Variants in CTNNA2 observed in about 807,000 individuals in gnomAD.
The protein encoded by CTNNA2 is catenin alpha-2.
In CTNNA2, 42 loss-of-function variants were observed where a neutral mutation model predicts 101.0. The ratio of observed to expected loss-of-function variants is 0.42; its 90% CI spans 0.32 to 0.54. CTNNA2 has a LOEUF of 0.54. Among genes scored for constraint, CTNNA2 ranks in the 20% least tolerant of loss-of-function variants. The pLI, the probability that CTNNA2 is intolerant of heterozygous loss-of-function variation, is 0.14. For synonymous variants in CTNNA2, 450 were observed against 456.4 expected (o/e 0.99, Z 0.18); for missense variants, 871 against 1,223.1 (o/e 0.71, Z 4.29).
chr2:80,285,569 C>T (rs1674693956), intron 7 of CTNNA2, among the ~76,000 whole-genome samples: 1 of 152,096 alleles, frequency 6.6e-6, no homozygotes, highest in African/African-American at 2.4e-5. Flanking sequence ...GTACAAGGGT[C>T]ATAGTCTGGG....
intron 4 of CTNNA2, among the ~76,000 whole-genome samples, chr2:79,414,070 C>A (rs1456298815): frequency 1.3e-5 from 2 of 150,922 alleles, no homozygotes; most frequent in African/African-American, 4.9e-5. Context: ...CATTGACAAC[C>A]AGCATAACTA....
intron 2 of CTNNA2, among the ~76,000 whole-genome samples, chr2:79,202,992 CCTTTCTTCCATGTA>C (rs974060418): frequency 6.6e-6 from 1 of 152,180 alleles, no homozygotes; most frequent in Non-Finnish European, 1.5e-5. Context: ...TTCTTTAACT[CCTTTCTTCCATGTA>C]GAATTTCTCA....
At chr2:80,337,232 G>T (rs1362355490) in intron 7 of CTNNA2, among the ~76,000 whole-genome samples, 1 of 152,090 alleles carries the variant, frequency 6.6e-6, no homozygotes, top group Non-Finnish European at 1.5e-5. Context: ...GCACACACCT[G>T]TAGTCCCGGC....
chr2:79,773,064 G>A (rs1255324441), intron 3 of CTNNA2, among the ~76,000 whole-genome samples: 1 of 152,052 alleles, frequency 6.6e-6, no homozygotes, highest in African/African-American at 2.4e-5. Context: ...TTCCAGAATT[G>A]GAAGAATATT....
chr2:80,238,124 C>T (rs1205393282), intron 7 of CTNNA2, among the ~76,000 whole-genome samples: 1 of 152,268 alleles, frequency 6.6e-6, no homozygotes, highest in South Asian at 2.1e-4. Flanking sequence ...CAGCACTGTT[C>T]TGGACTGTAA....
upstream of CTNNA2, among the ~76,000 whole-genome samples, chr2:79,512,561 CT>C (rs1198996097): frequency 6.6e-6 from 1 of 151,646 alleles, no homozygotes; most frequent in African/African-American, 2.4e-5. Context: ...TGCGACACCC[CT>C]ATCCCCCCCG....
chr2:79,625,325 T>C (rs527968219), intron 1 of CTNNA2, among the ~76,000 whole-genome samples: 61 of 152,274 alleles, frequency 4.0e-4, no homozygotes, highest in African/African-American at 1.3e-3. Flanking sequence ...TGGAAGATTA[T>C]GGCTCTTAAT....
chr2:80,508,563 C>T (rs1354189441), intron 9 of CTNNA2, among the ~76,000 whole-genome samples: 2 of 151,812 alleles, frequency 1.3e-5, no homozygotes, highest in African/African-American at 4.8e-5. Context: ...TACCCTACAA[C>T]ATATGGACTC....
chr2:79,624,763 G>T (rs139783238), intron 1 of CTNNA2, among the ~76,000 whole-genome samples: 6 of 152,282 alleles, frequency 3.9e-5, no homozygotes, highest in African/African-American at 1.4e-4. Flanking sequence ...CCTAGAAAGG[G>T]AGATAGAAAT....
chr2:80,099,606 G>T (rs1700409916), intron 7 of CTNNA2, among the ~76,000 whole-genome samples: 1 of 152,152 alleles, frequency 6.6e-6, no homozygotes, highest in South Asian at 2.1e-4. Flanking sequence ...TCAGAAGGCT[G>T]AAGAAGTTCC....
intron 4 of CTNNA2, among the ~76,000 whole-genome samples, chr2:79,466,638 G>C (rs1257777924): frequency 6.6e-6 from 1 of 152,194 alleles, no homozygotes; most frequent in Non-Finnish European, 1.5e-5. Flanking sequence ...AGTAGGGGCA[G>C]ACTGACACCC....
chr2:79,743,159 A>G (rs1003119276), intron 2 of CTNNA2, among the ~76,000 whole-genome samples: 1 of 149,092 alleles, frequency 6.7e-6, no homozygotes, highest in African/African-American at 2.5e-5. Flanking sequence ...CAGAACCTAC[A>G]TTCTTGTGAA....
intron 8 of CTNNA2, among the ~76,000 whole-genome samples, chr2:80,418,072 G>T (rs1680192091): frequency 6.6e-6 from 1 of 151,998 alleles, no homozygotes; most frequent in Non-Finnish European, 1.5e-5. Context: ...GTTCAATTTT[G>T]ATTCCACTCT....
chr2:79,997,358 AAAGAAAAAAGAAAAG>A (rs1692627361), intron 7 of CTNNA2, among the ~76,000 whole-genome samples: 1 of 151,468 alleles, frequency 6.6e-6, no homozygotes, highest in South Asian at 2.1e-4. Context: ...AAAGGAAGGA[AAAGAAAAAAGAAAAG>A]AAGAAAAAGA....
intron 7 of CTNNA2, among the ~76,000 whole-genome samples, chr2:80,366,389 T>C (rs1159620800): frequency 6.6e-6 from 1 of 152,184 alleles, no homozygotes; most frequent in Non-Finnish European, 1.5e-5. Context: ...TTTCTTTTCT[T>C]AAAGGTGCAC....
chr2:79,879,037 A>G (rs952623880), intron 6 of CTNNA2, among the ~76,000 whole-genome samples: 2 of 152,166 alleles, frequency 1.3e-5, no homozygotes, highest in Admixed American at 6.6e-5. Flanking sequence ...TTTTCTGCCT[A>G]TGACTAGCCA....
intron 1 of CTNNA2, among the ~76,000 whole-genome samples, chr2:79,516,002 T>C (rs1262333984): frequency 6.6e-6 from 1 of 152,178 alleles, no homozygotes; most frequent in Non-Finnish European, 1.5e-5. Flanking sequence ...TGACCTCAGC[T>C]TACAGTCTAG....
chr2:80,070,866 C>T (rs1698297288), intron 7 of CTNNA2, among the ~76,000 whole-genome samples: 2 of 152,184 alleles, frequency 1.3e-5, no homozygotes, highest in African/African-American at 2.4e-5. Flanking sequence ...GGCCATATAA[C>T]TCCAGTCTCT....
chr2:79,634,530 C>G (rs1679890945), intron 1 of CTNNA2: 1 of 152,188 alleles, frequency 6.6e-6, no homozygotes, highest in South Asian at 2.1e-4. Context: ...ATTCACTGTT[C>G]CATCCTCAAG....
Sources: gnomAD v4.1 joint callset for allele counts (sites outside exome capture counted in the v4.1 genomes callset) on GRCh38, gnomAD v4.1.1 for gene constraint, MANE v1.5 for transcripts, NCBI Gene and HGNC (gene_info 2026-07-23, HGNC 2026-07-21) for gene names.